The following NOVA1 variants were observed in gnomAD, a reference collection of about 807,000 sequenced individuals.
The protein encoded by NOVA1 is NOVA alternative splicing regulator 1, also known as RNA-binding protein Nova-1.
NOVA1 carries 7 observed loss-of-function variants against 38.0 expected under a neutral mutation model. The observed-to-expected ratio is 0.18, with a 90% confidence interval of 0.10 to 0.35. The LOEUF is 0.35. Among genes scored for constraint, NOVA1 ranks in the 10% least tolerant of loss-of-function variants. The pLI, the probability that NOVA1 is intolerant of heterozygous loss-of-function variation, is 1.00. For synonymous variants in NOVA1, 270 were observed against 232.5 expected, an observed-to-expected ratio of 1.16 and a Z score of -1.47; for missense variants, 460 against 616.0, an observed-to-expected ratio of 0.75 and a Z score of 2.68.
At position 26,576,115 on chromosome 14, in the gene NOVA1, T is replaced by C. The variant is rs113872778; in HGVS notation, c.280+19295A>G. ...TAGATGAATTATTGATTTAGCACAA[T>C]ATTCTAAATGGTTCAATATATACTT... On this transcript the variant is annotated intron_variant, in intron 2 of 4. Coordinates refer to ENST00000539517, the MANE Select transcript of NOVA1 (RefSeq NM_002515.3). Among the ~76,000 whole-genome samples the C allele has an allele frequency of 1.3e-3, 205 of 151,914 alleles. 1 individual carries two copies. The highest frequency in any genetic ancestry group is 4.5e-3 in the African/African-American group (186 of 41,488).
intron 1 of NOVA1, 68 bp downstream of exon 1, chr14:26,597,233 G>A: frequency 8.5e-7 from 1 of 1,178,846 alleles, no homozygotes; most frequent in Non-Finnish European, 1.1e-6. Context: ...GAGGGAGGAC[G>A]GCGAGGGAGG....
At chr14:26,555,081 A>G (rs1468087066) in intron 2 of NOVA1, among the ~76,000 whole-genome samples, 1 of 152,132 alleles carries the variant, frequency 6.6e-6, no homozygotes, top group Non-Finnish European at 1.5e-5. Flanking sequence ...AGACTAAAAA[A>G]GAAAGAAAAA....
chr14:26,486,617 G>A (rs1296665523), intron 2 of NOVA1, among the ~76,000 whole-genome samples: 2 of 139,254 alleles, frequency 1.4e-5, no homozygotes, highest in Non-Finnish European at 3.0e-5. Flanking sequence ...GCTGAGGCAG[G>A]AGAATGGCAT....
intron 2 of NOVA1, among the ~76,000 whole-genome samples, chr14:26,514,794 A>G (rs995397410): frequency 1.3e-5 from 2 of 148,780 alleles, no homozygotes; most frequent in African/African-American, 2.5e-5. Context: ...TCCTTTAATT[A>G]AAAATACATA....
chr14:26,506,509 C>T (rs933878551), intron 2 of NOVA1, among the ~76,000 whole-genome samples: 6 of 152,116 alleles, frequency 3.9e-5, no homozygotes, highest in Non-Finnish European at 8.8e-5. Flanking sequence ...GTGTTGTCTT[C>T]GCCAATCAAG....
intron 4 of NOVA1, chr14:26,470,168 A>C (rs1884469685): frequency 6.0e-6 from 5 of 836,856 alleles, no homozygotes; most frequent in Non-Finnish European, 7.7e-6. Context: ...ACAGTCCATT[A>C]GTTCTTTTCA....
intron 2 of NOVA1, among the ~76,000 whole-genome samples, chr14:26,521,522 C>G (rs1020982623): frequency 6.6e-6 from 1 of 152,044 alleles, no homozygotes; most frequent in Non-Finnish European, 1.5e-5. Flanking sequence ...AACTAATAGA[C>G]TGGTGCTTTT....
chr14:26,575,617 G>A (rs1194999277), intron 2 of NOVA1, among the ~76,000 whole-genome samples: 1 of 151,922 alleles, frequency 6.6e-6, no homozygotes, highest in Non-Finnish European at 1.5e-5. Flanking sequence ...TCACAACAGT[G>A]ATTAAACAAA....
At chr14:26,491,910 T>C (rs1475876802) in intron 2 of NOVA1, among the ~76,000 whole-genome samples, 1 of 152,112 alleles carries the variant, frequency 6.6e-6, no homozygotes, top group Admixed American at 6.5e-5. Context: ...TTATCTATTC[T>C]AGGAACCTTG....
rs199816577 is a variant in NOVA1, at chr14:26,461,351, T to G, written c.519+10969A>C. ...AAAATCACACATTTAAAAGGGATTT[T>G]GGGAGGTCACATAACCTGATATTTA... is the stretch of plus-strand genomic sequence containing the variant. On this transcript the variant is annotated intron_variant, in intron 4 of 4. Coordinates refer to ENST00000539517, the MANE Select transcript of NOVA1 (RefSeq NM_002515.3). Among the ~76,000 whole-genome samples, 8 of 152,286 alleles carry G rather than the reference T, an allele frequency of 5.3e-5. No individual in the cohort carries two copies. In the East Asian group the frequency reaches 5.8e-4, roughly 11 times the overall value.
At chr14:26,479,554 A>C (rs575794682) in intron 3 of NOVA1, 1 of 165,396 alleles carries the variant, frequency 6.0e-6, no homozygotes, top group Admixed American at 6.4e-5. Flanking sequence ...AATTAACAAA[A>C]CAGGAGCCTC....
intron 4 of NOVA1, among the ~76,000 whole-genome samples, chr14:26,459,443 C>T (rs1303254909): frequency 1.3e-5 from 2 of 152,042 alleles, no homozygotes; most frequent in African/African-American, 4.8e-5. Context: ...TGTGTAAGTA[C>T]ATTCCATGAT....
At chr14:26,596,517 G>T (rs1894201788) in intron 1 of NOVA1, 1 of 1,277,222 alleles carries the variant, frequency 7.8e-7, no homozygotes, top group Admixed American at 2.3e-5. Context: ...ATGTTGTGGT[G>T]TGCCACTCAA....
chr14:26,567,290 A>ATTTTTTTTTT (rs372263187), intron 2 of NOVA1, among the ~76,000 whole-genome samples: 1 of 93,704 alleles, frequency 1.1e-5, no homozygotes, highest in Non-Finnish European at 2.0e-5. Flanking sequence ...GTCTTGTTTA[A>ATTTTTTTTTT]TTTTTTTTTT....
rs149239100 is a variant in NOVA1, at chr14:26,510,767, T to A, written c.281-30624A>T. On this transcript the variant is annotated intron_variant, in intron 2 of 4. Transcript: ENST00000539517. ...ATCACAAAAACTTTTTGGTTTCTCC[T>A]CTTCACTCAAACATAAAATTAAAGA... is the stretch of plus-strand genomic sequence containing the variant. Among the ~76,000 whole-genome samples, 246 of 152,304 alleles carry A rather than the reference T, an allele frequency of 1.6e-3. 1 individual carries two copies. The highest frequency in any genetic ancestry group is 5.6e-3 in the African/African-American group (234 of 41,580).
chr14:26,557,528 ATT>A (rs375431107), intron 2 of NOVA1, among the ~76,000 whole-genome samples: 16 of 141,064 alleles, frequency 1.1e-4, no homozygotes, highest in Admixed American at 2.1e-4. Flanking sequence ...TGACTGGCTA[ATT>A]TTTTTTTTTT....
chr14:26,589,315 T>C (rs1360184697), intron 2 of NOVA1, among the ~76,000 whole-genome samples: 1 of 151,720 alleles, frequency 6.6e-6, no homozygotes, highest in East Asian at 1.9e-4. Context: ...AACTTGTATA[T>C]ATGTCACAGA....
intron 2 of NOVA1, among the ~76,000 whole-genome samples, chr14:26,553,456 G>GT (rs1370851251): frequency 1.3e-5 from 2 of 152,102 alleles, no homozygotes; most frequent in Non-Finnish European, 2.9e-5. Context: ...TAAAAGATTA[G>GT]TAAGAAGGGA....
At chr14:26,525,272 G>T (rs147234603) in intron 2 of NOVA1, among the ~76,000 whole-genome samples, 1 of 152,184 alleles carries the variant, frequency 6.6e-6, no homozygotes, top group African/African-American at 2.4e-5. Context: ...CAATAAAACA[G>T]ATGTGGCCAA....
Sources: gnomAD v4.1 joint callset for allele counts (sites outside exome capture counted in the v4.1 genomes callset) on GRCh38, gnomAD v4.1.1 for gene constraint, MANE v1.5 for transcripts, NCBI Gene and HGNC (gene_info 2026-07-23, HGNC 2026-07-21) for gene names.